Variants in MYRFL observed in about 807,000 individuals in gnomAD.
MYRFL encodes myelin regulatory factor like.
A neutral mutation model predicts 109.4 loss-of-function variants in MYRFL; 88 were observed. The observed-to-expected ratio is 0.80, with a 90% CI of 0.68 to 0.96. The LOEUF is 0.96. Among genes scored for constraint, MYRFL ranks in the 40% least tolerant of loss-of-function variants. The probability of loss-of-function intolerance (pLI) is 0.00; values close to 1 mark genes in which losing one functional copy is unlikely to be tolerated. For missense variants in MYRFL, 957 were observed against 954.9 expected (o/e 1.00, Z -0.03); for synonymous variants, 324 against 320.9 (o/e 1.01, Z -0.10).
rs1369505403 is a variant in MYRFL, at chr12:69,940,785, A to G, written c.2224+4153A>G. 2.0e-4 allele frequency among the ~76,000 whole-genome samples: 28 copies of G among 140,544 alleles called. 1 individual carries two copies. The highest frequency in any genetic ancestry group is 3.1e-5 in the Non-Finnish European group (2 of 64,660). The allele number at this position is 140,544 out of a possible 152,430, so 92.2% of individuals were successfully genotyped here. A position where few individuals can be genotyped will look rare whatever the true frequency, so the allele number is the denominator to read the frequency against. ...CCCATCAGTGTGCTGTATTCAGGAA[A>G]CCCATCTCATGTGCAGAGACACACA... On this transcript the variant is annotated intron_variant, in intron 19 of 24. Coordinates refer to ENST00000552032, the MANE Select transcript of MYRFL (RefSeq NM_182530.3).
At chr12:69,861,577 C>G (rs1409973332) in intron 2 of MYRFL, among the ~76,000 whole-genome samples, 3 of 152,086 alleles carry the variant, frequency 2.0e-5, no homozygotes, top group African/African-American at 7.2e-5. Context: ...TGTCCTTTGC[C>G]CACTTTTTGA....
intron 19 of MYRFL, among the ~76,000 whole-genome samples, chr12:69,945,978 C>A (rs1955824531): frequency 1.3e-5 from 1 of 77,150 alleles, no homozygotes; most frequent in Admixed American, 1.9e-4. Flanking sequence ...CAGAGCGAGA[C>A]TCCGTCTCAA....
chr12:69,874,199 A>G (rs912649479), intron 2 of MYRFL, among the ~76,000 whole-genome samples: 1 of 152,162 alleles, frequency 6.6e-6, no homozygotes, highest in Non-Finnish European at 1.5e-5. Flanking sequence ...TTATTTTTGA[A>G]ATAACTTCTC....
chr12:69,911,080 C>G (rs989879), intron 13 of MYRFL, 150 bp downstream of exon 13: 1 of 448,712 alleles, frequency 2.2e-6, no homozygotes, highest in Non-Finnish European at 4.0e-6. Context: ...GGTATCAACT[C>G]TCTTATAATT....
intron 1 of MYRFL, among the ~76,000 whole-genome samples, chr12:69,853,498 G>A (rs539888793): frequency 4.7e-5 from 7 of 148,872 alleles, no homozygotes; most frequent in Non-Finnish European, 8.9e-5. Flanking sequence ...AGGCAGAGGC[G>A]CGCCTCACAT....
chr12:69,874,630 A>G (rs1885550331), intron 2 of MYRFL, among the ~76,000 whole-genome samples: 2 of 152,132 alleles, frequency 1.3e-5, no homozygotes, highest in South Asian at 4.1e-4. Flanking sequence ...CTTATTGTAC[A>G]TGTCTATTCT....
intron 15 of MYRFL, among the ~76,000 whole-genome samples, chr12:69,928,962 C>A (rs142595473): frequency 4.5e-4 from 68 of 152,268 alleles, no homozygotes; most frequent in African/African-American, 1.6e-3. Flanking sequence ...AAGAGATTCT[C>A]TTTATTTTGC....
Position 69,867,025 on chromosome 12 carries a change from G to A in MYRFL, c.137+11655G>A, listed in dbSNP as rs576132416. On this transcript the variant is annotated intron_variant, in intron 2 of 24. Transcript: ENST00000552032. ...GGACGCATTATTCATGTATGAACATGTATAAGGCATGTATGCAGAGCTGAG... is the reference window on the plus strand; with the variant it reads ...GGACGCATTATTCATGTATGAACATATATAAGGCATGTATGCAGAGCTGAG... 5.3e-5 allele frequency among the ~76,000 whole-genome samples: 8 copies of A among 152,340 alleles called. 1 individual carries two copies. Among genetic ancestry groups the A allele is most frequent in the African/African-American group, 1.4e-4 (6 of 41,580 alleles).
At chr12:69,872,405 C>A (rs887036387) in intron 2 of MYRFL, among the ~76,000 whole-genome samples, 2 of 152,072 alleles carry the variant, frequency 1.3e-5, no homozygotes, top group African/African-American at 4.8e-5. Context: ...CTCATTGTAA[C>A]CTCAAATTTC....
chr12:69,834,258 A>G (rs1882806141), intron 1 of MYRFL, among the ~76,000 whole-genome samples: 1 of 152,254 alleles, frequency 6.6e-6, no homozygotes, highest in Admixed American at 6.5e-5. Context: ...CAAATGTCAT[A>G]TATGGCAATA....
At chr12:69,904,051 AC>A in intron 11 of MYRFL, 1 of 475,404 alleles carries the variant, frequency 2.1e-6, no homozygotes. Context: ...GAATGGATTT[AC>A]CTGACAGGAG....
At position 69,897,207 on chromosome 12, in the gene MYRFL, T is replaced by C. The variant is rs1191697589; in HGVS notation, c.1143T>C (p.Tyr381=). The change falls in exon 10 of 25, where the codon TAT becomes TAC. Residue 381 remains tyrosine (Y), a synonymous_variant. Transcript: ENST00000552032. ...GLYAANQDQF[Y]LLSAHISERI... ...ATGCTGCTAACCAAGACCAGTTCTA[T>C]CTGTTGTCTGCCCACATCTCTGAAA... The C allele has an allele frequency of 5.9e-6, 9 of 1,535,860 alleles. No individual in the cohort carries two copies. Among genetic ancestry groups the C allele is most frequent in the Non-Finnish European group, 7.8e-6 (9 of 1,146,686 alleles).
chr12:69,958,576 T>A lies in MYRFL; in HGVS notation c.*45T>A. ...TTTACCAAAGAAAAATACTCAGGAA[T>A]ACATTTAACAGAAACGAACATCCTC... On this transcript the variant is annotated 3_prime_UTR_variant, in exon 25 of 25. Coordinates refer to ENST00000552032, the MANE Select transcript of MYRFL (RefSeq NM_182530.3). The A allele has an allele frequency of 7.4e-7, 1 of 1,358,902 alleles. No individual in the cohort carries two copies. The highest frequency in any genetic ancestry group is 1.0e-6 in the Non-Finnish European group (1 of 1,001,504). The allele number at this position is 1,358,902 out of a possible 1,614,324, so 84.2% of individuals were successfully genotyped here.
intron 13 of MYRFL, among the ~76,000 whole-genome samples, chr12:69,912,964 T>C (rs988376181): frequency 1.3e-5 from 2 of 152,102 alleles, no homozygotes; most frequent in African/African-American, 4.8e-5. Context: ...CACCGATGCT[T>C]GTAATTTTTT....
At chr12:69,944,119 AG>A (rs1300414682) in intron 19 of MYRFL, among the ~76,000 whole-genome samples, 2 of 150,832 alleles carry the variant, frequency 1.3e-5, no homozygotes, top group Non-Finnish European at 2.9e-5. Flanking sequence ...TGTGGAAGTC[AG>A]TGAGGCGATT....
intron 12 of MYRFL, among the ~76,000 whole-genome samples, 185 bp from the exon 13 acceptor site, chr12:69,910,633 CAAA>C (rs5798959): frequency 0.19 from 24,210 of 125,348 alleles, 2,827 homozygotes; most frequent in African/African-American, 0.36. Context: ...CCCAGAGTCT[CAAA>C]AAAAAAAAAA....
At chr12:69,912,193 G>A (rs567799427) in intron 13 of MYRFL, among the ~76,000 whole-genome samples, 4 of 152,244 alleles carry the variant, frequency 2.6e-5, no homozygotes, top group East Asian at 1.9e-4. Context: ...ACATATCTTC[G>A]ATAGAAGCAA....
chr12:69,921,365 G>A (rs905508562), intron 13 of MYRFL, among the ~76,000 whole-genome samples: 2 of 152,124 alleles, frequency 1.3e-5, no homozygotes, highest in African/African-American at 4.8e-5. Flanking sequence ...ATTCTACATG[G>A]GGTCCAGACA....
chr12:69,848,775 G>A (rs1883709978), intron 1 of MYRFL, among the ~76,000 whole-genome samples: 1 of 152,080 alleles, frequency 6.6e-6, no homozygotes. Flanking sequence ...TAATAACATG[G>A]TAACTAAAAT....
Sources: gnomAD v4.1 joint callset for allele counts (sites outside exome capture counted in the v4.1 genomes callset) on GRCh38, gnomAD v4.1.1 for gene constraint, MANE v1.5 for transcripts, NCBI Gene and HGNC (gene_info 2026-07-23, HGNC 2026-07-21) for gene names.